The following PABPC4L variants were observed in gnomAD, a reference collection of about 807,000 sequenced individuals.
PABPC4L encodes poly(A) binding protein cytoplasmic 4 like.
For synonymous variants in PABPC4L, 169 were observed against 164.1 expected (o/e 1.03, Z -0.23); for missense variants, 452 against 451.4 (o/e 1.00, Z -0.01).
chr4:134,046,516 C>A, the PABPC4L span, among the ~76,000 whole-genome samples: 3 of 151,868 alleles, frequency 2.0e-5, no homozygotes, highest in Non-Finnish European at 4.4e-5. Context: ...CTTATCTCAA[C>A]TGCAAAGAGG....
the PABPC4L span, among the ~76,000 whole-genome samples, chr4:134,056,825 A>T: frequency 6.6e-6 from 1 of 151,984 alleles, no homozygotes; most frequent in African/African-American, 2.4e-5. Context: ...TACATCATTT[A>T]TAATAAGGAC....
the PABPC4L span, among the ~76,000 whole-genome samples, chr4:134,144,641 A>G: frequency 6.6e-6 from 1 of 150,384 alleles, no homozygotes; most frequent in Admixed American, 6.7e-5. Context: ...TAAACCTACT[A>G]TAAACTAGTG....
chr4:134,175,601 A>C, the PABPC4L span, among the ~76,000 whole-genome samples: 1 of 152,022 alleles, frequency 6.6e-6, no homozygotes, highest in African/African-American at 2.4e-5. Context: ...GGCATGTGCC[A>C]TCACGTCTGG....
the PABPC4L span, among the ~76,000 whole-genome samples, chr4:134,070,060 T>C: frequency 6.7e-6 from 1 of 150,058 alleles, no homozygotes; most frequent in South Asian, 2.1e-4. Flanking sequence ...AAGATGGATT[T>C]ATGCTACATT....
chr4:133,982,783 A>G, the PABPC4L span, among the ~76,000 whole-genome samples: 1 of 151,972 alleles, frequency 6.6e-6, no homozygotes, highest in East Asian at 1.9e-4. Flanking sequence ...CATAATTCTA[A>G]GTACATATAA....
the PABPC4L span, among the ~76,000 whole-genome samples, chr4:133,988,559 G>T: frequency 6.6e-6 from 1 of 152,214 alleles, no homozygotes; most frequent in South Asian, 2.1e-4. Context: ...CAAGAGGTGG[G>T]CTTCCACAGC....
the PABPC4L span, among the ~76,000 whole-genome samples, chr4:134,032,695 A>G: frequency 1.1e-4 from 17 of 151,994 alleles, no homozygotes; most frequent in East Asian, 2.9e-3. Flanking sequence ...GGTGATTTCT[A>G]CTTAATAAAC....
chr4:134,067,312 C>T, the PABPC4L span, among the ~76,000 whole-genome samples: 104,361 of 151,988 alleles, frequency 0.69, 36,233 homozygotes, highest in East Asian at 0.95. Context: ...TTCTAGCTTA[C>T]GTACATAGAG....
chr4:134,043,635 T>A, the PABPC4L span, among the ~76,000 whole-genome samples: 1 of 151,658 alleles, frequency 6.6e-6, no homozygotes, highest in African/African-American at 2.4e-5. Context: ...AGCCAGAAAA[T>A]ACTGGAGCTC....
chr4:134,181,328 T>C, the PABPC4L span, among the ~76,000 whole-genome samples: 17 of 152,106 alleles, frequency 1.1e-4, no homozygotes, highest in Non-Finnish European at 2.4e-4. Context: ...TATCCCTTTA[T>C]GTTAAATACC....
chr4:133,979,703 C>T, the PABPC4L span, among the ~76,000 whole-genome samples: 1 of 152,100 alleles, frequency 6.6e-6, no homozygotes, highest in Non-Finnish European at 1.5e-5. Flanking sequence ...AGAAATCAAT[C>T]AGTTTTTTAG....
At chr4:134,087,543 G>A in the PABPC4L span, among the ~76,000 whole-genome samples, 3 of 152,142 alleles carry the variant, frequency 2.0e-5, no homozygotes, top group African/African-American at 4.8e-5. Flanking sequence ...CCTAACACCA[G>A]TTGTGCTGCA....
At chr4:134,002,530 T>C in the PABPC4L span, among the ~76,000 whole-genome samples, 1 of 151,934 alleles carries the variant, frequency 6.6e-6, no homozygotes, top group Non-Finnish European at 1.5e-5. Flanking sequence ...TCAGAGAAAC[T>C]TTTTTTATTG....
At chr4:134,075,157 AGG>A in the PABPC4L span, among the ~76,000 whole-genome samples, 1 of 152,182 alleles carries the variant, frequency 6.6e-6, no homozygotes, top group Non-Finnish European at 1.5e-5. Context: ...GGAGAAGTTC[AGG>A]GTTTTGAGTA....
chr4:134,119,845 T>C, the PABPC4L span, among the ~76,000 whole-genome samples: 13 of 151,816 alleles, frequency 8.6e-5, no homozygotes, highest in Admixed American at 5.3e-4. Flanking sequence ...TTTTATGTTT[T>C]GTTTCTTTCT....
the PABPC4L span, among the ~76,000 whole-genome samples, chr4:134,161,857 C>T: frequency 3.3e-5 from 5 of 152,048 alleles, no homozygotes; most frequent in African/African-American, 4.8e-5. Flanking sequence ...AATAATACTA[C>T]AGCAATTTGT....
the PABPC4L span, among the ~76,000 whole-genome samples, chr4:134,163,826 G>A: frequency 6.6e-6 from 1 of 151,884 alleles, no homozygotes; most frequent in Admixed American, 6.6e-5. Context: ...AACAACTTAG[G>A]TATAGAACAT....
chr4:134,055,663 G>A, the PABPC4L span, among the ~76,000 whole-genome samples: 1 of 145,884 alleles, frequency 6.9e-6, no homozygotes, highest in African/African-American at 2.5e-5. Flanking sequence ...TTTCTAATTG[G>A]ATTGATAATT....
At chr4:134,120,684 AAAG>A in the PABPC4L span, among the ~76,000 whole-genome samples, 1 of 151,520 alleles carries the variant, frequency 6.6e-6, no homozygotes, top group East Asian at 1.9e-4. Flanking sequence ...TTCTTATTAT[AAAG>A]TCAGCTATCA....
Sources: allele counts gnomAD v4.1 joint callset (sites outside exome capture counted in the v4.1 genomes callset), GRCh38; gene constraint gnomAD v4.1.1; transcripts MANE v1.5; gene names NCBI Gene and HGNC (gene_info 2026-07-23, HGNC 2026-07-21).